SHANK1: variants seen among roughly 807,000 people sequenced by gnomAD.
SHANK1 encodes the protein SH3 and multiple ankyrin repeat domains 1.
In SHANK1, 35 loss-of-function variants were observed where a neutral mutation model predicts 165.6. The ratio of observed to expected loss-of-function variants is 0.21; its 90% CI spans 0.16 to 0.28. The LOEUF is 0.28. Ranked by LOEUF, SHANK1 falls within the 10% of genes least tolerant of loss-of-function variation. The pLI, the probability that SHANK1 is intolerant of heterozygous loss-of-function variation, is 1.00. For synonymous variants in SHANK1, 1,428 were observed against 1,384.8 expected, an observed-to-expected ratio of 1.03 and a Z score of -0.69; for missense variants, 2,681 against 3,036.4, an observed-to-expected ratio of 0.88 and a Z score of 2.75.
In SHANK1 at chr19:50,716,482, G is replaced by C. The variant is rs770015050; in HGVS notation, c.256-4C>G. ...CGGGGTTGAAGCGAAGGCATTTCTG[G>C]TTGGGGAAGAGATAGGGGCTAGGGT... On this transcript the variant is annotated splice_polypyrimidine_tract_variant and splice_region_variant and intron_variant, in intron 2 of 23. Transcript: ENST00000293441. The surrounding 1 kb of genome is among the most constrained non-coding windows in gnomAD (Gnocchi z 8.4). The C allele has an allele frequency of 3.1e-6, 5 of 1,614,006 alleles. No individual in the cohort carries two copies. The highest frequency in any genetic ancestry group is 4.2e-6 in the Non-Finnish European group (5 of 1,179,972).
intron 7 of SHANK1, 53 bp downstream of exon 7, chr19:50,711,894 C>T: frequency 6.2e-7 from 1 of 1,601,550 alleles, no homozygotes; most frequent in Non-Finnish European, 8.5e-7. Flanking sequence ...CCCTTGGATG[C>T]CTCAGGGACT....
At position 50,716,786 on chromosome 19, in the gene SHANK1, C is replaced by A. The variant is rs1243508395; in HGVS notation, c.134G>T (p.Ser45Ile). The A allele has an allele frequency of 1.2e-6, 2 of 1,602,710 alleles. No individual in the cohort carries two copies. The highest frequency in any genetic ancestry group is 2.7e-5 in the African/African-American group (2 of 74,274). ...RGPRGTRGQGSGAPGSLASVR... is the reference protein window; with the variant it reads ...RGPRGTRGQGIGAPGSLASVR... Reference sequence around the variant, plus strand: ...AGAGGCCAGGCTACCAGGTGCCCCACTGCCCTGGCCCCGGGTCCCCCGGGG... The same window carrying A: ...AGAGGCCAGGCTACCAGGTGCCCCAATGCCCTGGCCCCGGGTCCCCCGGGG... Residue 45 changes from serine (S) to isoleucine (I), a missense_variant, in exon 2 of 24, where the codon AGT becomes ATT. Physicochemically the swap from Ser to Ile is moderately radical, Grantham distance 142. Transcript: ENST00000293441. This position sits in a 1 kb window ranked among gnomAD's most constrained non-coding sequence, Gnocchi z 8.4.
Position 50,686,986 on chromosome 19 carries a change from G to C in SHANK1, c.2390-174C>G. On this transcript the variant is annotated intron_variant, in intron 19 of 23. Transcript: ENST00000293441. The surrounding 1 kb of genome is among the most constrained non-coding windows in gnomAD (Gnocchi z 5.7). ...GTCCGCCGGCGGGGTCGGGAGACGGGGGCCCTCCCGCCAGTCCTGTGCCCA... is the reference window on the plus strand; with the variant it reads ...GTCCGCCGGCGGGGTCGGGAGACGGCGGCCCTCCCGCCAGTCCTGTGCCCA... 7.0e-7 allele frequency: 1 copy of C among 1,425,218 alleles called. No homozygotes were observed. The highest frequency in any genetic ancestry group is 9.2e-7 in the Non-Finnish European group (1 of 1,090,002). The allele number at this position is 1,425,218 out of a possible 1,614,324, so 88.3% of individuals were successfully genotyped here.
chr19:50,694,873 C>T (rs1452599003), intron 15 of SHANK1, among the ~76,000 whole-genome samples: 1 of 150,346 alleles, frequency 6.7e-6, no homozygotes, highest in Non-Finnish European at 1.5e-5. Context: ...CCGGCCGGCC[C>T]GCAAAGCAGG....
At chr19:50,683,985 G>A (rs974224812) in intron 21 of SHANK1, among the ~76,000 whole-genome samples, 5 of 152,226 alleles carry the variant, frequency 3.3e-5, no homozygotes, top group African/African-American at 9.6e-5. Flanking sequence ...TCTCAGGCAA[G>A]TGAATGCAAA....
chr19:50,689,531 C>A, intron 15 of SHANK1: 1 of 638,460 alleles, frequency 1.6e-6, no homozygotes, highest in Non-Finnish European at 2.8e-6. Context: ...TCCATCCACC[C>A]ATCCATTCAG....
chr19:50,685,648 C>T (rs1599853117), intron 21 of SHANK1, among the ~76,000 whole-genome samples: 1 of 152,032 alleles, frequency 6.6e-6, no homozygotes, highest in Non-Finnish European at 1.5e-5. Flanking sequence ...CGCTTGAACC[C>T]GGGGGGCAGA....
intron 8 of SHANK1, among the ~76,000 whole-genome samples, chr19:50,707,944 T>G: frequency 1.3e-5 from 1 of 75,414 alleles, no homozygotes; most frequent in African/African-American, 7.6e-5. Flanking sequence ...TTCTTTTCTT[T>G]TCTTTTCTTT....
rs746425154 is a variant in SHANK1, at chr19:50,686,763, G to A, written c.2439C>T (p.Thr813=). 6.2e-7 allele frequency: 1 copy of A among 1,613,832 alleles called. No homozygotes were observed. The highest frequency in any genetic ancestry group is 1.1e-5 in the South Asian group (1 of 91,084). ...TCTTACTGAGAGCCATCTGATACAC[G>A]GTCCGCTTTTTCTCCATGCTGGGCA... The part of the protein sequence containing the change: ...APVPSMEKKR[T]VYQMALNKLD... The change falls in exon 20 of 24, where the codon ACC becomes ACT. Residue 813 remains threonine, a synonymous_variant. Transcript: ENST00000293441. This position sits in a 1 kb window ranked among gnomAD's most constrained non-coding sequence, Gnocchi z 5.7.
intron 15 of SHANK1, 22 bp from the exon 16 acceptor site, chr19:50,689,301 T>TG (rs750168791): frequency 1.4e-4 from 103 of 756,414 alleles, no homozygotes; most frequent in African/African-American, 2.1e-4. Context: ...GCAGGAGAAA[T>TG]GGGGGGGTGG....
intron 21 of SHANK1, among the ~76,000 whole-genome samples, chr19:50,683,747 C>G (rs950173624): frequency 2.0e-5 from 3 of 152,202 alleles, no homozygotes; most frequent in Non-Finnish European, 2.9e-5. Context: ...CATAGGGCTA[C>G]TCAAGATTTT....
Position 50,716,762 on chromosome 19 carries a change from G to A in SHANK1, c.158C>T (p.Ser53Phe). 6.2e-7 allele frequency: 1 copy of A among 1,608,934 alleles called. No individual in the cohort carries two copies. ...QGSGAPGSLA[S>F]VRGLQGRSMS... ...TGAGCGGCCCTGGAGGCCTCTAACA[G>A]AGGCCAGGCTACCAGGTGCCCCACT... The change falls in exon 2 of 24, where the codon TCT becomes TTT. Residue 53 changes from serine to phenylalanine, a missense_variant. Around this residue, in one of 10 missense-constraint regions of SHANK1, gnomAD observed 118 missense variants for 106.9 expected, o/e 1.10. Transcript: ENST00000293441. This position sits in a 1 kb window ranked among gnomAD's most constrained non-coding sequence, Gnocchi z 8.4.
intron 12 of SHANK1, among the ~76,000 whole-genome samples, chr19:50,698,311 C>T (rs73044625): frequency 0.21 from 31,997 of 152,014 alleles, 3,413 homozygotes; most frequent in South Asian, 0.31. Flanking sequence ...ACTTAGATCA[C>T]GGATGGGGCG....
In SHANK1 at chr19:50,697,746, C is replaced by T. The variant is rs2123161424; in HGVS notation, c.1862-82G>A. ...CCTAGAGCTCCTGGCCCAAGTCTTC[C>T]CATCTACCTCCCAGTACCCCACCCC... is the stretch of plus-strand genomic sequence containing the variant. On this transcript the variant is annotated intron_variant, in intron 13 of 23. Transcript: ENST00000293441. The surrounding 1 kb of genome is among the most constrained non-coding windows in gnomAD (Gnocchi z 4.7). The T allele has an allele frequency of 1.3e-6, 2 of 1,531,998 alleles. No homozygotes were observed. Among genetic ancestry groups the T allele is most frequent in the South Asian group, 1.1e-5 (1 of 89,260 alleles). 94.9% of individuals were successfully genotyped at this position (1,531,998 alleles called of 1,614,324 possible).
Position 50,697,609 on chromosome 19 carries a change from G to A in SHANK1, c.1917C>T (p.Tyr639=), listed in dbSNP as rs766765515. Residue 639 remains tyrosine, a synonymous_variant, in exon 14 of 24, where the codon TAC becomes TAT. Coordinates refer to ENST00000293441, the MANE Select transcript of SHANK1 (RefSeq NM_016148.5). The surrounding 1 kb of genome is among the most constrained non-coding windows in gnomAD (Gnocchi z 4.7). The stretch of plus-strand genomic sequence containing the variant: ...TTTACCTTGGGGCATCAAAGCTGTC[G>A]TAGGAGCCCACGGTATAATGCCGGA... ...RLFRHYTVGS[Y]DSFDAPSLMD... 51 of 1,613,864 alleles carry A rather than the reference G, an allele frequency of 3.2e-5. No homozygotes were observed. Among genetic ancestry groups the A allele is most frequent in the Non-Finnish European group, 3.8e-5 (45 of 1,179,906 alleles).
intron 21 of SHANK1, among the ~76,000 whole-genome samples, chr19:50,678,207 C>T (rs892888603): frequency 1.3e-5 from 2 of 152,054 alleles, no homozygotes; most frequent in Non-Finnish European, 2.9e-5. Flanking sequence ...CAAGATGCAT[C>T]GGAGAAAAGA....
At chr19:50,666,078 A>G in intron 23 of SHANK1, 114 bp downstream of exon 23, 1 of 1,024,862 alleles carries the variant, frequency 9.8e-7, no homozygotes, top group Non-Finnish European at 1.4e-6. Context: ...CTGTGACAGC[A>G]AACTCCTGCC....
chr19:50,711,349 G>A (rs1401800913), intron 8 of SHANK1, 22 bp downstream of exon 8: 7 of 1,524,450 alleles, frequency 4.6e-6, no homozygotes, highest in Middle Eastern at 1.7e-4. Context: ...GAGGGGCCTG[G>A]GGTGGCCGCT....
At position 50,716,840 on chromosome 19, in the gene SHANK1, T is replaced by A; in HGVS notation, c.80A>T (p.Asp27Val). 6.4e-7 allele frequency: 1 copy of A among 1,555,318 alleles called. No homozygotes were observed. Among genetic ancestry groups the A allele is most frequent in the Non-Finnish European group, 8.7e-7 (1 of 1,154,940 alleles). ...SECPEGGSESDSSPDGPGRGP... is the reference protein window; with the variant it reads ...SECPEGGSESVSSPDGPGRGP... ...TCGACCTGGCCCGTCTGGGGAGCTG[T>A]CGGACTCTGAGCCCCCCTCGGGACA... Residue 27 changes from aspartate to valine, a missense_variant, in exon 2 of 24, where the codon GAC (aspartate) becomes GTC (valine). By Grantham distance (152) the Asp-to-Val change is radical (BLOSUM62 -3). Transcript: ENST00000293441. The surrounding 1 kb of genome is among the most constrained non-coding windows in gnomAD (Gnocchi z 8.4).
Sources: gnomAD v4.1 joint callset for allele counts (sites outside exome capture counted in the v4.1 genomes callset) on GRCh38, gnomAD v4.1.1 for gene constraint, gnomAD v4.1.1 regional missense constraint, Gnocchi (gnomAD v3.1) non-coding constraint, MANE v1.5 for transcripts, NCBI Gene and HGNC (gene_info 2026-07-23, HGNC 2026-07-21) for gene names.